The following PPP3CB variants were observed in gnomAD, a reference collection of about 807,000 sequenced individuals.
PPP3CB encodes protein phosphatase 3 catalytic subunit beta, also known as serine/threonine-protein phosphatase 2B catalytic subunit beta isoform.
In PPP3CB, 8 loss-of-function variants were observed where a neutral mutation model predicts 66.4. The ratio of observed to expected loss-of-function variants is 0.12; its 90% confidence interval spans 0.07 to 0.22. The LOEUF (loss-of-function observed/expected upper bound fraction) is 0.22. Ranked by LOEUF, PPP3CB falls within the 10% of genes least tolerant of loss-of-function variation. PPP3CB has a pLI of 1.00. For missense variants in PPP3CB, 319 were observed against 642.5 expected, an observed-to-expected ratio of 0.50 and a Z score of 5.44; for synonymous variants, 208 against 221.2, an observed-to-expected ratio of 0.94 and a Z score of 0.53.
intron 1 of PPP3CB, among the ~76,000 whole-genome samples, chr10:73,488,552 TAAAAA>T (rs74262587): frequency 2.4e-5 from 2 of 84,738 alleles, no homozygotes; most frequent in African/African-American, 4.5e-5. Flanking sequence ...TCTTGAGGGT[TAAAAA>T]AAAAAAAAAA....
At chr10:73,479,650 G>T in intron 1 of PPP3CB, 133 bp from the exon 2 acceptor site, 1 of 826,774 alleles carries the variant, frequency 1.2e-6, no homozygotes, top group Non-Finnish European at 1.8e-6. Context: ...TTGGGTAGAA[G>T]TGTTTTTCTA....
At chr10:73,444,997 A>C (rs939974588) in intron 11 of PPP3CB, among the ~76,000 whole-genome samples, 175 bp from the exon 12 acceptor site, 1 of 152,192 alleles carries the variant, frequency 6.6e-6, no homozygotes. Flanking sequence ...TTCAGGTATG[A>C]GGGTGTGCCT....
chr10:73,481,929 C>T (rs968614730), intron 1 of PPP3CB, among the ~76,000 whole-genome samples: 1 of 151,686 alleles, frequency 6.6e-6, no homozygotes, highest in Non-Finnish European at 1.5e-5. Flanking sequence ...ATTTTACCCC[C>T]AAATATAGCA....
intron 3 of PPP3CB, 42 bp downstream of exon 3, chr10:73,478,457 T>G (rs2056825475): frequency 6.4e-7 from 1 of 1,565,734 alleles, no homozygotes; most frequent in African/African-American, 1.4e-5. Flanking sequence ...GCATCTGTGT[T>G]AACACTTAAC....
chr10:73,454,526 T>C (rs780666027), intron 9 of PPP3CB, 37 bp from the exon 10 acceptor site: 7 of 1,434,772 alleles, frequency 4.9e-6, no homozygotes, highest in South Asian at 2.3e-5. Context: ...TAGCTGACCA[T>C]ATATAACTGT....
chr10:73,457,260 G>GAAAAAAAAAA (rs35129439), intron 9 of PPP3CB, among the ~76,000 whole-genome samples: 41 of 69,022 alleles, frequency 5.9e-4, no homozygotes, highest in South Asian at 9.7e-4. Flanking sequence ...CTCTAAAAAA[G>GAAAAAAAAAA]AAAAAAAAAA....
chr10:73,460,459 G>T (rs2056503264), intron 9 of PPP3CB, among the ~76,000 whole-genome samples: 1 of 152,106 alleles, frequency 6.6e-6, no homozygotes, highest in Admixed American at 6.5e-5. Flanking sequence ...ATAGAATCTA[G>T]AGACAAGTTA....
intron 3 of PPP3CB, 150 bp from the exon 4 acceptor site, chr10:73,475,180 T>C: frequency 2.6e-6 from 3 of 1,141,048 alleles, no homozygotes; most frequent in Non-Finnish European, 3.4e-6. Flanking sequence ...AAATCACAGA[T>C]TTTGTCATCT....
At chr10:73,479,897 C>G (rs1439122501) in intron 1 of PPP3CB, among the ~76,000 whole-genome samples, 1 of 152,030 alleles carries the variant, frequency 6.6e-6, no homozygotes, top group Non-Finnish European at 1.5e-5. Flanking sequence ...AGTAGTGAAG[C>G]ATGTCTGTAA....
chr10:73,454,631 A>C (rs567776563), intron 9 of PPP3CB, 142 bp from the exon 10 acceptor site: 1 of 489,386 alleles, frequency 2.0e-6, no homozygotes, highest in South Asian at 5.0e-5. Context: ...GATGGAATTT[A>C]AAAATGCAAA....
At chr10:73,467,726 T>G in intron 8 of PPP3CB, 48 bp from the exon 9 acceptor site, 1 of 1,446,674 alleles carries the variant, frequency 6.9e-7, no homozygotes. Context: ...AGTAACTATT[T>G]GTCATTAGCC....
At chr10:73,456,509 G>A (rs1327799507) in intron 9 of PPP3CB, among the ~76,000 whole-genome samples, 1 of 152,166 alleles carries the variant, frequency 6.6e-6, no homozygotes, top group Non-Finnish European at 1.5e-5. Flanking sequence ...ACAGAACAGA[G>A]AGTCCAGAAA....
At chr10:73,493,325 C>T (rs2057109684) in intron 1 of PPP3CB, among the ~76,000 whole-genome samples, 1 of 151,602 alleles carries the variant, frequency 6.6e-6, no homozygotes, top group Admixed American at 6.6e-5. Flanking sequence ...GCATTCAATG[C>T]CAACAGACAG....
At chr10:73,490,507 A>G (rs529570515) in intron 1 of PPP3CB, among the ~76,000 whole-genome samples, 1 of 152,352 alleles carries the variant, frequency 6.6e-6, no homozygotes, top group Non-Finnish European at 1.5e-5. Flanking sequence ...AATTAGCTTC[A>G]GCTTATTTCA....
chr10:73,463,693 A>T (rs2056568890), intron 9 of PPP3CB, among the ~76,000 whole-genome samples: 1 of 152,174 alleles, frequency 6.6e-6, no homozygotes, highest in Non-Finnish European at 1.5e-5. Flanking sequence ...CCCAGGCTGG[A>T]GTGCAGTGGC....
chr10:73,457,678 C>T (rs2056451149), intron 9 of PPP3CB, among the ~76,000 whole-genome samples: 1 of 148,876 alleles, frequency 6.7e-6, no homozygotes, highest in African/African-American at 2.5e-5. Flanking sequence ...GTGGAGGTTG[C>T]AGTGAGCCAA....
rs7917733 is a variant in PPP3CB, at chr10:73,495,229, A to T, written c.85+576T>A. Among the ~76,000 whole-genome samples, 1,174 of 151,884 alleles carry T rather than the reference A, an allele frequency of 7.7e-3. 14 individuals carry two copies. Among genetic ancestry groups the T allele is most frequent in the African/African-American group, 0.027 (1,108 of 41,416 alleles). ...GGCTGGCCTTCCAATTCCTGCCCCGACCCTTCACCGTGATCCAATCCCACA... is the reference window on the plus strand; with the variant it reads ...GGCTGGCCTTCCAATTCCTGCCCCGTCCCTTCACCGTGATCCAATCCCACA... On this transcript the variant is annotated intron_variant, in intron 1 of 13. Transcript: ENST00000360663.
At chr10:73,453,929 T>C (rs1362663578) in intron 10 of PPP3CB, among the ~76,000 whole-genome samples, 1 of 152,196 alleles carries the variant, frequency 6.6e-6, no homozygotes. Flanking sequence ...AAAAATGCTT[T>C]CAGAATCTGA....
intron 1 of PPP3CB, among the ~76,000 whole-genome samples, chr10:73,491,819 T>C (rs1304142953): frequency 6.6e-6 from 1 of 151,932 alleles, no homozygotes; most frequent in East Asian, 1.9e-4. Context: ...AATACAAAAT[T>C]AGCCGGGCGT....
Sources: gnomAD v4.1 joint callset for allele counts (sites outside exome capture counted in the v4.1 genomes callset) on GRCh38, gnomAD v4.1.1 for gene constraint, MANE v1.5 for transcripts, NCBI Gene and HGNC (gene_info 2026-07-23, HGNC 2026-07-21) for gene names.